The following PGBD5 variants were observed in gnomAD, a reference collection of about 807,000 sequenced individuals.
PGBD5 encodes piggyBac transposable element-derived protein 5.
In PGBD5, 14 loss-of-function variants were observed where a neutral mutation model predicts 47.9. That is an observed-to-expected ratio of 0.29 (90% CI 0.19 to 0.46). The LOEUF is 0.46. PGBD5 is among the 20% of genes least tolerant of loss of function. The pLI is 1.00. For missense variants in PGBD5, 635 were observed against 716.0 expected (o/e 0.89, Z 1.29); for synonymous variants, 316 against 306.3 (o/e 1.03, Z -0.33).
At chr1:230,368,050 T>G (rs547276712) in intron 1 of PGBD5, 1 of 1,367,930 alleles carries the variant, frequency 7.3e-7, no homozygotes, top group Admixed American at 1.9e-5. Context: ...GAATACTCCC[T>G]GGAAGGCTGG....
At chr1:230,356,633 G>A (rs1667650254) in intron 2 of PGBD5, among the ~76,000 whole-genome samples, 1 of 152,334 alleles carries the variant, frequency 6.6e-6, no homozygotes, top group Admixed American at 6.5e-5. Flanking sequence ...AGGAAAGGGA[G>A]AAAAGAGGCG....
chr1:230,424,825 A>G (rs993118984), intron 1 of PGBD5, among the ~76,000 whole-genome samples: 4 of 152,240 alleles, frequency 2.6e-5, no homozygotes, highest in Non-Finnish European at 5.9e-5. Context: ...TGATATTTCA[A>G]CAGCCAACTC....
intron 1 of PGBD5, among the ~76,000 whole-genome samples, chr1:230,366,408 A>T (rs1667834773): frequency 1.3e-5 from 2 of 152,038 alleles, no homozygotes; most frequent in South Asian, 4.2e-4. Flanking sequence ...GAGAAGCTGC[A>T]GTGTCTCTAG....
intron 1 of PGBD5, among the ~76,000 whole-genome samples, chr1:230,404,846 A>C (rs1195563334): frequency 6.7e-6 from 1 of 149,198 alleles, no homozygotes; most frequent in African/African-American, 2.5e-5. Flanking sequence ...AATTGCTTGA[A>C]CCAGGGAGGC....
rs991956858 is a variant in PGBD5, at chr1:230,317,372, A to G, written c.*6053T>C. The stretch of plus-strand genomic sequence containing the variant: ...TCTCAGAGTGTCACTTTCCCATCAC[A>G]AAAGGGGGACCGATGGTTGTCAGCT... On this transcript the variant is annotated 3_prime_UTR_variant, in exon 7 of 7. Coordinates refer to ENST00000391860, the MANE Select transcript of PGBD5 (RefSeq NM_001258311.2). 1 of 152,118 alleles carries G rather than the reference A, an allele frequency of 6.6e-6. No individual in the cohort carries two copies. The highest frequency in any genetic ancestry group is 1.5e-5 in the Non-Finnish European group (1 of 68,036). 9.4% of individuals were successfully genotyped at this position (152,118 alleles called of 1,614,324 possible).
At chr1:230,407,831 A>G (rs1356990571) in intron 1 of PGBD5, among the ~76,000 whole-genome samples, 1 of 152,246 alleles carries the variant, frequency 6.6e-6, no homozygotes, top group Non-Finnish European at 1.5e-5. Flanking sequence ...AAAAATTATA[A>G]TCGGGGCAAC....
chr1:230,328,010 T>C (rs886125029), intron 5 of PGBD5, among the ~76,000 whole-genome samples: 3 of 152,208 alleles, frequency 2.0e-5, no homozygotes, highest in Admixed American at 2.0e-4. Context: ...AGACCATCCC[T>C]ATAAAGAAAT....
chr1:230,407,119 A>G (rs769486019), intron 1 of PGBD5, among the ~76,000 whole-genome samples: 11 of 152,206 alleles, frequency 7.2e-5, no homozygotes, highest in Admixed American at 1.3e-4. Flanking sequence ...ACAGGCGTGA[A>G]CCACCATGTC....
At chr1:230,347,605 A>T (rs1027990234) in intron 3 of PGBD5, among the ~76,000 whole-genome samples, 10 of 147,104 alleles carry the variant, frequency 6.8e-5, no homozygotes, top group Non-Finnish European at 1.5e-4. Context: ...TCAGCCTCCC[A>T]AGTATCTGGG....
At position 230,351,045 on chromosome 1, in the gene PGBD5, C is replaced by A; in HGVS notation, c.807G>T (p.Thr269=). 1 of 1,613,942 alleles carries A rather than the reference C, an allele frequency of 6.2e-7. No homozygotes were observed. The highest frequency in any genetic ancestry group is 8.5e-7 in the Non-Finnish European group (1 of 1,179,952). Residue 269 remains threonine, a synonymous_variant, in exon 3 of 7, where the codon ACG becomes ACT. Coordinates refer to ENST00000391860, the MANE Select transcript of PGBD5 (RefSeq NM_001258311.2). ...LIDEDPVFIA[T]CTERELRKRK... ...TCTTTCGCAGCTCCCGCTCTGTGCA[C>A]GTGGCAATGAATACAGGATCCTCAT...
At chr1:230,324,423 T>C (rs980818434) in intron 6 of PGBD5, among the ~76,000 whole-genome samples, 2 of 152,276 alleles carry the variant, frequency 1.3e-5, no homozygotes, top group South Asian at 2.1e-4. Context: ...TGGAATTTAG[T>C]AAGGTGCTGA....
intron 1 of PGBD5, among the ~76,000 whole-genome samples, chr1:230,368,913 C>T (rs1362845519): frequency 6.6e-6 from 1 of 152,262 alleles, no homozygotes; most frequent in Non-Finnish European, 1.5e-5. Flanking sequence ...AGGTTCAACA[C>T]ACAGTCTCAG....
chr1:230,322,143 C>G lies in PGBD5; in HGVS notation c.*1282G>C, dbSNP rs752825966. Reference sequence around the variant, plus strand: ...TCAGATCTGCCCACCACTCTGGCACCGAGGCTTCCCTGGAGACGCATAAAC... The same window carrying G: ...TCAGATCTGCCCACCACTCTGGCACGGAGGCTTCCCTGGAGACGCATAAAC... On this transcript the variant is annotated 3_prime_UTR_variant, in exon 7 of 7. Transcript: ENST00000391860. The surrounding 1 kb of genome is among the most constrained non-coding windows in gnomAD (Gnocchi z 5.9). 6.6e-6 allele frequency: 1 copy of G among 152,168 alleles called. No homozygotes were observed. The highest frequency in any genetic ancestry group is 1.5e-5 in the Non-Finnish European group (1 of 68,044). The allele number at this position is 152,168 out of a possible 1,614,324, so 9.4% of individuals were successfully genotyped here.
intron 1 of PGBD5, among the ~76,000 whole-genome samples, chr1:230,394,768 C>T (rs1431316130): frequency 7.7e-5 from 9 of 117,154 alleles, no homozygotes; most frequent in African/African-American, 1.6e-4. Flanking sequence ...ACGCTCCTCC[C>T]AATCCCCAAG....
intron 3 of PGBD5, among the ~76,000 whole-genome samples, chr1:230,349,577 G>A (rs536955578): frequency 1.0e-3 from 152 of 145,306 alleles, no homozygotes; most frequent in Non-Finnish European, 1.8e-3. Context: ...CAGATCTCAA[G>A]GATGGCAGGA....
At chr1:230,371,605 A>C (rs1166682612) in intron 1 of PGBD5, among the ~76,000 whole-genome samples, 1 of 152,204 alleles carries the variant, frequency 6.6e-6, no homozygotes, top group Non-Finnish European at 1.5e-5. Context: ...GAGTCAGATT[A>C]TCCCTTCTGG....
chr1:230,325,961 C>T (rs1667110143), intron 5 of PGBD5, among the ~76,000 whole-genome samples: 1 of 152,148 alleles, frequency 6.6e-6, no homozygotes, highest in African/African-American at 2.4e-5. Context: ...AGACCTCACT[C>T]CTCCCATCTA....
chr1:230,317,812 G>A lies in PGBD5; in HGVS notation c.*5613C>T, dbSNP rs1255531442. ...TCATCTCCAAATACATGCACACAAG[G>A]TCAAGCTTCCAGGCAACTAAGGAAA... On this transcript the variant is annotated 3_prime_UTR_variant, in exon 7 of 7. Coordinates refer to ENST00000391860, the MANE Select transcript of PGBD5 (RefSeq NM_001258311.2). The A allele has an allele frequency of 1.3e-5, 2 of 152,208 alleles. No homozygotes were observed. The highest frequency in any genetic ancestry group is 1.3e-4 in the Admixed American group (2 of 15,266). 9.4% of individuals were successfully genotyped at this position (152,208 alleles called of 1,614,324 possible).
intron 3 of PGBD5, among the ~76,000 whole-genome samples, chr1:230,346,567 C>G (rs1276692650): frequency 6.6e-6 from 1 of 152,118 alleles, no homozygotes; most frequent in Admixed American, 6.5e-5. Context: ...GCAAGCATAT[C>G]GCAAGATTTC....
Sources: gnomAD v4.1 joint callset for allele counts (sites outside exome capture counted in the v4.1 genomes callset) on GRCh38, gnomAD v4.1.1 for gene constraint, Gnocchi (gnomAD v3.1) non-coding constraint, MANE v1.5 for transcripts, NCBI Gene and HGNC (gene_info 2026-07-23, HGNC 2026-07-21) for gene names.